IKZF5: variants seen among roughly 807,000 people sequenced by gnomAD.
IKZF5 encodes the protein IKAROS family zinc finger 5, also known as zinc finger protein Pegasus.
In IKZF5, 4 loss-of-function variants were observed where a neutral mutation model predicts 30.7. The observed-to-expected ratio is 0.13, with a 90% CI of 0.06 to 0.30. The LOEUF (loss-of-function observed/expected upper bound fraction) is 0.30. IKZF5 is among the 10% of genes least tolerant of loss of function. IKZF5 has a pLI of 1.00. For missense variants in IKZF5, 348 were observed against 525.5 expected (o/e 0.66, Z 3.30); for synonymous variants, 148 against 179.6 (o/e 0.82, Z 1.41).
chr10:122,995,918 A>G, intron 4 of IKZF5, 76 bp downstream of exon 4: 16 of 1,393,268 alleles, frequency 1.1e-5, no homozygotes, highest in Non-Finnish European at 1.5e-5. Flanking sequence ...AACTATTTCT[A>G]TGACAAACCA....
intron 2 of IKZF5, among the ~76,000 whole-genome samples, chr10:122,999,303 A>G (rs571961999): frequency 6.6e-6 from 1 of 152,342 alleles, no homozygotes; most frequent in Non-Finnish European, 1.5e-5. Context: ...TGAGTTTTTA[A>G]TGTTATTAAT....
chr10:123,007,247 T>C (rs1849825965), intron 1 of IKZF5, 71 bp from the exon 2 acceptor site: 1 of 152,100 alleles, frequency 6.6e-6, no homozygotes, highest in Non-Finnish European at 1.5e-5. Flanking sequence ...CATCTACAGG[T>C]TGAATGAGCT....
chr10:122,998,658 C>T lies in IKZF5; in HGVS notation c.-33G>A, dbSNP rs1849476191. On this transcript the variant is annotated 5_prime_UTR_variant, in exon 3 of 5. Transcript: ENST00000368886. ...TTTTTAACATTTACAGTTTGTTAGA[C>T]CTAGAAAACAAAACTGAAACAATTT... 1.3e-6 allele frequency: 2 copies of T among 1,597,892 alleles called. No individual in the cohort carries two copies.
intron 2 of IKZF5, among the ~76,000 whole-genome samples, chr10:122,999,943 T>C (rs1304868683): frequency 6.6e-6 from 1 of 152,220 alleles, no homozygotes; most frequent in African/African-American, 2.4e-5. Flanking sequence ...TAAATATACC[T>C]TATAAAATCT....
chr10:122,993,884 G>T lies in IKZF5; in HGVS notation c.1156C>A (p.His386Asn). The part of the protein sequence containing the change: ...NILYTIHMGC[H>N]GYENPFQCNI... ...CACTGAAAAGGATTTTCATACCCAT[G>T]ACATCCCATATGAATAGTGTAAAGG... Residue 386 changes from histidine to asparagine, a missense_variant, in exon 5 of 5, where the codon CAT (histidine) becomes AAT (asparagine). His to Asn is a moderately conservative substitution (Grantham distance 68). Transcript: ENST00000368886. 1 of 1,613,732 alleles carries T rather than the reference G, an allele frequency of 6.2e-7. No homozygotes were observed. The highest frequency in any genetic ancestry group is 8.5e-7 in the Non-Finnish European group (1 of 1,179,648).
chr10:123,000,337 T>C (rs1302898328), intron 2 of IKZF5, among the ~76,000 whole-genome samples: 1 of 152,226 alleles, frequency 6.6e-6, no homozygotes, highest in Non-Finnish European at 1.5e-5. Flanking sequence ...CTATGAACCT[T>C]TGTCTGGCTT....
chr10:123,002,852 T>G (rs1034700846), intron 2 of IKZF5, among the ~76,000 whole-genome samples: 3 of 151,560 alleles, frequency 2.0e-5, no homozygotes, highest in Non-Finnish European at 2.9e-5. Flanking sequence ...GAAAAGCCTA[T>G]TTTTTAGAAA....
At chr10:123,000,851 A>AT (rs1849554969) in intron 2 of IKZF5, among the ~76,000 whole-genome samples, 1 of 151,992 alleles carries the variant, frequency 6.6e-6, no homozygotes, top group East Asian at 1.9e-4. Flanking sequence ...CCACTTAGAT[A>AT]CCCTCTGTTG....
chr10:122,998,351 AG>A (rs1362358000), intron 3 of IKZF5, 141 bp downstream of exon 3: 11 of 633,418 alleles, frequency 1.7e-5, no homozygotes, highest in Admixed American at 3.4e-5. Flanking sequence ...TGTTTAAAAA[AG>A]GGGGAAAAAA....
At chr10:123,003,100 G>A (rs1400259303) in intron 2 of IKZF5, among the ~76,000 whole-genome samples, 2 of 150,068 alleles carry the variant, frequency 1.3e-5, no homozygotes, top group Non-Finnish European at 3.0e-5. Context: ...GCGTGATCTC[G>A]GCTCACTGCA....
At chr10:123,006,539 C>T (rs1289289651) in intron 2 of IKZF5, among the ~76,000 whole-genome samples, 1 of 151,992 alleles carries the variant, frequency 6.6e-6, no homozygotes, top group Non-Finnish European at 1.5e-5. Context: ...CTTCTTCCTT[C>T]TATCTTTTTT....
chr10:122,997,920 C>T (rs1849436011), intron 3 of IKZF5, among the ~76,000 whole-genome samples: 1 of 152,196 alleles, frequency 6.6e-6, no homozygotes, highest in African/African-American at 2.4e-5. Context: ...CATACAAAAA[C>T]AGCAGTCCAG....
Position 122,991,596 on chromosome 10 carries a change from A to C in IKZF5, c.*2184T>G, listed in dbSNP as rs1215429892. The C allele has an allele frequency of 6.6e-6, 1 of 152,206 alleles. No homozygotes were observed. Among genetic ancestry groups the C allele is most frequent in the African/African-American group, 2.4e-5 (1 of 41,472 alleles). The allele number at this position is 152,206 out of a possible 1,614,324, so 9.4% of individuals were successfully genotyped here. ...TCACAGGAAATTTAAATAAAATCTAAATATTTTAAAAAATACCATACCAAA... is the reference window on the plus strand; with the variant it reads ...TCACAGGAAATTTAAATAAAATCTACATATTTTAAAAAATACCATACCAAA... On this transcript the variant is annotated 3_prime_UTR_variant, in exon 5 of 5. Coordinates refer to ENST00000368886, the MANE Select transcript of IKZF5 (RefSeq NM_001372123.1).
chr10:123,000,638 G>A (rs1266848820), intron 2 of IKZF5, among the ~76,000 whole-genome samples: 1 of 152,158 alleles, frequency 6.6e-6, no homozygotes, highest in South Asian at 2.1e-4. Context: ...TGTCAAATAG[G>A]TTTTCAAAGT....
intron 2 of IKZF5, among the ~76,000 whole-genome samples, chr10:123,006,524 T>C (rs1348431575): frequency 6.6e-6 from 1 of 152,114 alleles, no homozygotes; most frequent in Non-Finnish European, 1.5e-5. Flanking sequence ...CTCTAACCTA[T>C]CTTCCTTCTT....
At position 122,994,121 on chromosome 10, in the gene IKZF5, T is replaced by A. The variant is rs748090050; in HGVS notation, c.919A>T (p.Ser307Cys). ...VSAVSASIPQ[S>C]SSPTSPEPRP... The stretch of plus-strand genomic sequence containing the variant: ...GGTTCTGGGCTTGTGGGAGAGGAGC[T>A]CTGAGGAATACTTGCTGATACGGCA... The change falls in exon 5 of 5, where the codon AGC becomes TGC. Residue 307 changes from serine (S) to cysteine (C), a missense_variant. This residue lies in a region of IKZF5 where 176 missense variants were observed against 198.2 expected (regional missense o/e 0.89). Coordinates refer to ENST00000368886, the MANE Select transcript of IKZF5 (RefSeq NM_001372123.1). This position sits in a 1 kb window ranked among gnomAD's most constrained non-coding sequence, Gnocchi z 5.6. 6.2e-7 allele frequency: 1 copy of A among 1,614,062 alleles called. No homozygotes were observed. The highest frequency in any genetic ancestry group is 1.1e-5 in the South Asian group (1 of 91,074).
chr10:123,000,109 A>G (rs76603339), intron 2 of IKZF5, among the ~76,000 whole-genome samples: 1,825 of 152,348 alleles, frequency 0.012, 44 homozygotes, highest in African/African-American at 0.039. Flanking sequence ...CACATAAATC[A>G]TAAGAGCAGA....
At chr10:123,001,866 G>A (rs1431256640) in intron 2 of IKZF5, among the ~76,000 whole-genome samples, 1 of 152,220 alleles carries the variant, frequency 6.6e-6, no homozygotes, top group Non-Finnish European at 1.5e-5. Context: ...TGCAAAAGCA[G>A]ATTTTCCAAT....
rs1245390472 is a variant in IKZF5, at chr10:122,993,321, T to C, written c.*459A>G. The C allele has an allele frequency of 6.5e-6, 1 of 152,808 alleles. No individual in the cohort carries two copies. The highest frequency in any genetic ancestry group is 1.5e-5 in the Non-Finnish European group (1 of 68,154). The allele number at this position is 152,808 out of a possible 1,614,324, so 9.5% of individuals were successfully genotyped here. On this transcript the variant is annotated 3_prime_UTR_variant, in exon 5 of 5. Coordinates refer to ENST00000368886, the MANE Select transcript of IKZF5 (RefSeq NM_001372123.1). The stretch of plus-strand genomic sequence containing the variant: ...GTGAACTAAATGATATTTCAATTAA[T>C]AGCAATTTTTAAGGCAATTTCTGTA...
Sources: allele counts gnomAD v4.1 joint callset (sites outside exome capture counted in the v4.1 genomes callset), GRCh38; gene constraint gnomAD v4.1.1; regional missense constraint gnomAD v4.1.1; non-coding constraint Gnocchi (gnomAD v3.1); transcripts MANE v1.5; gene names NCBI Gene and HGNC (gene_info 2026-07-23, HGNC 2026-07-21).